NCKAP5: variants seen among roughly 807,000 people sequenced by gnomAD.
NCKAP5 encodes NCK associated protein 5, also known as nck-associated protein 5.
Under a neutral mutation model 167.0 loss-of-function variants are expected in NCKAP5, and 92 were observed. The observed-to-expected ratio is 0.55, with a 90% confidence interval of 0.47 to 0.66. The LOEUF is 0.66. Among genes scored for constraint, NCKAP5 ranks in the 30% least tolerant of loss-of-function variants. The probability of loss-of-function intolerance (pLI) is 0.00; values close to 1 mark genes in which losing one functional copy is unlikely to be tolerated. For missense variants in NCKAP5, 2,378 were observed against 2,315.0 expected (o/e 1.03, Z -0.56); for synonymous variants, 891 against 877.4 (o/e 1.02, Z -0.27).
chr2:132,938,381 C>T (rs938912505), intron 8 of NCKAP5, among the ~76,000 whole-genome samples: 1 of 152,130 alleles, frequency 6.6e-6, no homozygotes. Flanking sequence ...AGTGCATTTC[C>T]AGGTTAGAGA....
intron 5 of NCKAP5, among the ~76,000 whole-genome samples, chr2:133,159,022 G>A (rs1451395842): frequency 6.6e-6 from 1 of 151,868 alleles, no homozygotes; most frequent in African/African-American, 2.4e-5. Flanking sequence ...TGTCATTAAG[G>A]TTACAGACTT....
chr2:133,178,097 C>T (rs757612929), intron 5 of NCKAP5, among the ~76,000 whole-genome samples: 4 of 152,158 alleles, frequency 2.6e-5, no homozygotes, highest in African/African-American at 4.8e-5. Context: ...TCAATGGAGG[C>T]TGATAAAGAA....
rs760389553 is a variant in NCKAP5, at chr2:132,784,881, T to G, written c.1930A>C (p.Thr644Pro). ...ATGAAACTAAAAGTCTTTGGCCTAG[T>G]CTCTGAAGGGATGGGCACTTGTTTT... ...EEKQVPIPSE[T>P]RPKTFSFIKQ... The change falls in exon 14 of 20, where the codon ACT becomes CCT. Residue 644 changes from threonine to proline, a missense_variant. Physicochemically the swap from Thr to Pro is conservative, Grantham distance 38 (BLOSUM62 -1). Around this residue, in one of 3 missense-constraint regions of NCKAP5, gnomAD observed 1,049 missense variants for 1,023.4 expected, o/e 1.02. Coordinates refer to ENST00000409261, the MANE Select transcript of NCKAP5 (RefSeq NM_207363.3). The G allele has an allele frequency of 8.9e-6, 14 of 1,564,426 alleles. No homozygotes were observed. The highest frequency in any genetic ancestry group is 1.1e-5 in the Non-Finnish European group (13 of 1,156,448).
chr2:133,293,479 AT>A (rs1326957484), intron 4 of NCKAP5, among the ~76,000 whole-genome samples: 3 of 152,182 alleles, frequency 2.0e-5, no homozygotes, highest in Non-Finnish European at 4.4e-5. Context: ...ATCAAACCAG[AT>A]GTCTTTCTGG....
intron 3 of NCKAP5, among the ~76,000 whole-genome samples, chr2:133,427,230 A>G (rs917160602): frequency 6.6e-6 from 1 of 152,224 alleles, no homozygotes; most frequent in Admixed American, 6.5e-5. Flanking sequence ...GACTAAGATA[A>G]CAGACATAAA....
chr2:133,641,271 C>G, the NCKAP5 span, among the ~76,000 whole-genome samples: 1 of 152,202 alleles, frequency 6.6e-6, no homozygotes, highest in African/African-American at 2.4e-5. Context: ...TGGAAGTTCT[C>G]TATTCTTCCT....
intron 16 of NCKAP5, among the ~76,000 whole-genome samples, chr2:132,757,781 T>G (rs543947295): frequency 5.3e-4 from 81 of 152,318 alleles, no homozygotes; most frequent in African/African-American, 1.6e-3. Flanking sequence ...AACAGCTTGT[T>G]GAAATCCCCT....
intron 15 of NCKAP5, among the ~76,000 whole-genome samples, chr2:132,776,060 A>G (rs549928305): frequency 6.6e-6 from 1 of 152,336 alleles, no homozygotes; most frequent in South Asian, 2.1e-4. Flanking sequence ...TAATTTATTC[A>G]AAGTCATACA....
intron 4 of NCKAP5, among the ~76,000 whole-genome samples, chr2:133,275,265 G>A (rs2089677089): frequency 1.3e-5 from 2 of 152,024 alleles, no homozygotes; most frequent in Admixed American, 1.3e-4. Flanking sequence ...ATGTGTTGGT[G>A]AGGATGTGTA....
intron 8 of NCKAP5, chr2:132,911,306 ACT>A (rs1694431297): frequency 1.3e-5 from 2 of 152,868 alleles, no homozygotes; most frequent in African/African-American, 4.8e-5. Context: ...TAATCTTTAG[ACT>A]CTTCCTGATG....
intron 5 of NCKAP5, among the ~76,000 whole-genome samples, chr2:133,206,340 G>T (rs779837649): frequency 6.6e-6 from 1 of 152,158 alleles, no homozygotes; most frequent in Non-Finnish European, 1.5e-5. Flanking sequence ...AACATAAATT[G>T]TGAAGATTTC....
At chr2:132,820,550 TTTTG>T (rs1428599945) in intron 11 of NCKAP5, among the ~76,000 whole-genome samples, 22 of 151,670 alleles carry the variant, frequency 1.5e-4, no homozygotes, top group African/African-American at 5.4e-4. Flanking sequence ...GTTTTTTGTT[TTTTG>T]TTTTTTTTAA....
At chr2:132,932,454 A>C (rs1696459963) in intron 8 of NCKAP5, among the ~76,000 whole-genome samples, 1 of 152,180 alleles carries the variant, frequency 6.6e-6, no homozygotes, top group Non-Finnish European at 1.5e-5. Flanking sequence ...CAATTTTAAA[A>C]ATTGCATAAT....
the NCKAP5 span, among the ~76,000 whole-genome samples, chr2:133,614,406 A>C: frequency 6.6e-6 from 1 of 152,162 alleles, no homozygotes; most frequent in African/African-American, 2.4e-5. Flanking sequence ...TTTGAAAAAA[A>C]TTTAGAAGAA....
intron 8 of NCKAP5, among the ~76,000 whole-genome samples, chr2:132,926,681 A>G (rs1275667529): frequency 6.6e-6 from 1 of 152,086 alleles, no homozygotes; most frequent in Admixed American, 6.6e-5. Flanking sequence ...CTTCTTTTGA[A>G]AAATATCTAT....
At chr2:133,228,262 C>A (rs1243867616) in intron 4 of NCKAP5, among the ~76,000 whole-genome samples, 1 of 152,174 alleles carries the variant, frequency 6.6e-6, no homozygotes, top group Non-Finnish European at 1.5e-5. Context: ...ACCATCCTTT[C>A]TTTGAAAAGC....
intron 4 of NCKAP5, among the ~76,000 whole-genome samples, chr2:133,275,751 A>G (rs1322462398): frequency 6.6e-6 from 1 of 151,992 alleles, no homozygotes; most frequent in Non-Finnish European, 1.5e-5. Flanking sequence ...ACCAAAAGAA[A>G]GGAATTAAGG....
intron 5 of NCKAP5, among the ~76,000 whole-genome samples, chr2:133,187,396 C>CA (rs773341659): frequency 2.6e-4 from 39 of 151,942 alleles, no homozygotes; most frequent in Non-Finnish European, 4.9e-4. Flanking sequence ...TATAATCACA[C>CA]AAAAAATTAA....
intron 3 of NCKAP5, among the ~76,000 whole-genome samples, chr2:133,463,407 T>G (rs1692325026): frequency 6.6e-6 from 1 of 152,260 alleles, no homozygotes; most frequent in Non-Finnish European, 1.5e-5. Context: ...AAACTATATT[T>G]GTAAATCCAC....
Sources: allele counts gnomAD v4.1 joint callset (sites outside exome capture counted in the v4.1 genomes callset), GRCh38; gene constraint gnomAD v4.1.1; regional missense constraint gnomAD v4.1.1; transcripts MANE v1.5; gene names NCBI Gene and HGNC (gene_info 2026-07-23, HGNC 2026-07-21).